The following RHEB variants were observed in gnomAD, a reference collection of about 807,000 sequenced individuals.
RHEB encodes the protein GTP-binding protein Rheb.
Under a neutral mutation model 28.8 loss-of-function variants are expected in RHEB, and 2 were observed. That is an observed-to-expected ratio of 0.07 (90% CI 0.03 to 0.22). RHEB has a LOEUF of 0.22. Among genes scored for constraint, RHEB ranks in the 10% least tolerant of loss-of-function variants. The pLI, the probability that RHEB is intolerant of heterozygous loss-of-function variation, is 1.00. For missense variants in RHEB, 76 were observed against 219.9 expected, an observed-to-expected ratio of 0.35 and a Z score of 4.14; for synonymous variants, 69 against 77.3, an observed-to-expected ratio of 0.89 and a Z score of 0.56.
Position 151,484,808 on chromosome 7 carries a change from C to T in RHEB, c.125-4G>A, listed in dbSNP as rs370472608. ...ACTGTGATCAACTTTGTAAAAGCTA[C>T]AGGGAAAAAGGAAATTAAACATTAG... is the stretch of plus-strand genomic sequence containing the variant. On this transcript the variant is annotated splice_polypyrimidine_tract_variant and splice_region_variant and intron_variant, in intron 2 of 7. Coordinates refer to ENST00000262187, the MANE Select transcript of RHEB (RefSeq NM_005614.4). 2.5e-6 allele frequency: 4 copies of T among 1,604,588 alleles called. No homozygotes were observed. Among genetic ancestry groups the T allele is most frequent in the Non-Finnish European group, 3.4e-6 (4 of 1,172,520 alleles).
At chr7:151,479,654 G>A (rs1802345941) in intron 3 of RHEB, among the ~76,000 whole-genome samples, 1 of 143,434 alleles carries the variant, frequency 7.0e-6, no homozygotes, top group Admixed American at 7.3e-5. Flanking sequence ...CAGCACTCCA[G>A]CCTGGGCGAT....
chr7:151,477,624 G>A (rs1802294850), intron 3 of RHEB, among the ~76,000 whole-genome samples: 1 of 152,166 alleles, frequency 6.6e-6, no homozygotes, highest in Non-Finnish European at 1.5e-5. Context: ...ATGACTAGCT[G>A]TTCTAGAACT....
At chr7:151,509,314 T>C (rs1802943769) in intron 1 of RHEB, among the ~76,000 whole-genome samples, 2 of 152,180 alleles carry the variant, frequency 1.3e-5, no homozygotes, top group African/African-American at 2.4e-5. Context: ...CCATGGGAAC[T>C]GTGCCCTGTG....
In RHEB at chr7:151,509,578, C is replaced by T. The variant is rs572776380; in HGVS notation, c.52+9882G>A. 8.8e-4 allele frequency among the ~76,000 whole-genome samples: 134 copies of T among 152,280 alleles called. 8 individuals are homozygous for T. In the South Asian group the frequency reaches 0.026, roughly 30 times the overall value. ...CGTCCTCTTCATCTCATCTACTCTG[C>T]GCCTTGGCTGGTCTTCCCATTTCTA... On this transcript the variant is annotated intron_variant, in intron 1 of 7. Coordinates refer to ENST00000262187, the MANE Select transcript of RHEB (RefSeq NM_005614.4).
In RHEB at chr7:151,503,776, AT is replaced by A. The variant is rs34030206; in HGVS notation, c.53-12763del. The stretch of plus-strand genomic sequence containing the variant: ...CTTGTATTTTATGAAAAAAAAAAAA[AT>A]TTTTTTAAGCCTTCATATACAGAAG... On this transcript the variant is annotated intron_variant, in intron 1 of 7. Coordinates refer to ENST00000262187, the MANE Select transcript of RHEB (RefSeq NM_005614.4). Among the ~76,000 whole-genome samples, 7 of 151,258 alleles carry A rather than the reference AT, an allele frequency of 4.6e-5. No homozygotes were observed. In the East Asian group the frequency reaches 7.9e-4, roughly 17 times the overall value.
chr7:151,479,065 T>C (rs956872884), intron 3 of RHEB, among the ~76,000 whole-genome samples: 94 of 152,168 alleles, frequency 6.2e-4, no homozygotes, highest in African/African-American at 2.2e-3. Context: ...ATAATAGCAA[T>C]TGGGAGGGCA....
chr7:151,502,460 C>G (rs1802789767), intron 1 of RHEB: 1 of 842,296 alleles, frequency 1.2e-6, no homozygotes, highest in African/African-American at 1.7e-5. Context: ...TCCAGATGGT[C>G]TGGTTGTTTA....
At chr7:151,485,769 T>C (rs980403331) in intron 2 of RHEB, among the ~76,000 whole-genome samples, 2 of 152,024 alleles carry the variant, frequency 1.3e-5, no homozygotes, top group African/African-American at 4.8e-5. Context: ...GTTATATGAG[T>C]TCCACAGGGA....
intron 1 of RHEB, among the ~76,000 whole-genome samples, chr7:151,497,934 C>A (rs1188143841): frequency 6.6e-6 from 1 of 152,168 alleles, no homozygotes; most frequent in African/African-American, 2.4e-5. Context: ...ACTTAAAAAT[C>A]CAACGGGGCA....
intron 1 of RHEB, among the ~76,000 whole-genome samples, chr7:151,508,825 T>C (rs949777183): frequency 7.2e-5 from 11 of 151,996 alleles, no homozygotes; most frequent in African/African-American, 2.7e-4. Context: ...CTCTGTACCC[T>C]TGTTTAAGGG....
At chr7:151,507,008 C>G (rs1201970512) in intron 1 of RHEB, among the ~76,000 whole-genome samples, 1 of 152,240 alleles carries the variant, frequency 6.6e-6, no homozygotes, top group Non-Finnish European at 1.5e-5. Flanking sequence ...ACATCACCAT[C>G]TCTGCTGCAT....
Position 151,466,258 on chromosome 7 carries a change from CAG to C in RHEB, c.*859_*860del, listed in dbSNP as rs1802058530. 6.6e-6 allele frequency: 1 copy of C among 152,240 alleles called. No homozygotes were observed. Among genetic ancestry groups the C allele is most frequent in the Non-Finnish European group, 1.5e-5 (1 of 68,064 alleles). 9.4% of individuals were successfully genotyped at this position (152,240 alleles called of 1,614,324 possible). ...GAAGGAGGCTCCCAAGACTCTGACA[CAG>C]AACACTAAACTCCAGGGTGTTCTAG... On this transcript the variant is annotated 3_prime_UTR_variant, in exon 8 of 8. Transcript: ENST00000262187.
chr7:151,505,447 C>T (rs1802854093), intron 1 of RHEB, among the ~76,000 whole-genome samples: 1 of 152,138 alleles, frequency 6.6e-6, no homozygotes, highest in African/African-American at 2.4e-5. Context: ...TCAAATAAAA[C>T]CACAACCTAC....
chr7:151,467,240 T>C (rs965828523), intron 7 of RHEB, 29 bp from the exon 8 acceptor site: 7 of 1,527,536 alleles, frequency 4.6e-6, no homozygotes, highest in Non-Finnish European at 5.4e-6. Context: ...CCAATCACAG[T>C]GTTAGTGTGA....
At chr7:151,508,842 A>G (rs897646427) in intron 1 of RHEB, among the ~76,000 whole-genome samples, 2 of 151,994 alleles carry the variant, frequency 1.3e-5, no homozygotes, top group African/African-American at 4.8e-5. Flanking sequence ...AGGGAATAGG[A>G]TCATATTATT....
chr7:151,491,255 A>G (rs1472851558), intron 1 of RHEB, among the ~76,000 whole-genome samples: 1 of 152,242 alleles, frequency 6.6e-6, no homozygotes, highest in African/African-American at 2.4e-5. Flanking sequence ...GACATTAACA[A>G]ATATTACTGA....
intron 4 of RHEB, among the ~76,000 whole-genome samples, chr7:151,473,215 T>TC (rs1176294174): frequency 1.3e-5 from 2 of 152,178 alleles, no homozygotes; most frequent in Non-Finnish European, 2.9e-5. Context: ...TCCCTGGCTC[T>TC]CTTGTGCACC....
chr7:151,488,119 G>A (rs1802515457), intron 2 of RHEB, among the ~76,000 whole-genome samples: 1 of 152,160 alleles, frequency 6.6e-6, no homozygotes, highest in Admixed American at 6.5e-5. Context: ...TTGCTTTTTA[G>A]TTATAAACTA....
At chr7:151,509,915 G>A (rs975852866) in intron 1 of RHEB, among the ~76,000 whole-genome samples, 2 of 152,168 alleles carry the variant, frequency 1.3e-5, no homozygotes, top group African/African-American at 2.4e-5. Flanking sequence ...TGCAAGAGAG[G>A]CTACATGGCC....
Sources: allele counts gnomAD v4.1 joint callset (sites outside exome capture counted in the v4.1 genomes callset), GRCh38; gene constraint gnomAD v4.1.1; transcripts MANE v1.5; gene names NCBI Gene and HGNC (gene_info 2026-07-23, HGNC 2026-07-21).